KCNB2: variants seen among roughly 807,000 people sequenced by gnomAD.
KCNB2 encodes the protein delayed rectifier potassium channel protein.
KCNB2 carries 15 observed loss-of-function variants against 61.5 expected under a neutral mutation model. The observed-to-expected ratio is 0.24, with a 90% CI of 0.16 to 0.38. The LOEUF is 0.38. KCNB2 is among the 10% of genes least tolerant of loss of function. The pLI is 1.00. For missense variants in KCNB2, 828 were observed against 1,125.2 expected, an observed-to-expected ratio of 0.74 and a Z score of 3.78; for synonymous variants, 457 against 446.0, an observed-to-expected ratio of 1.02 and a Z score of -0.31.
chr8:72,682,492 C>T (rs1403131448), intron 2 of KCNB2, among the ~76,000 whole-genome samples: 1 of 151,662 alleles, frequency 6.6e-6, no homozygotes, highest in Non-Finnish European at 1.5e-5. Context: ...AGTAAAAAAT[C>T]CCATATTTGA....
intron 2 of KCNB2, among the ~76,000 whole-genome samples, chr8:72,591,119 G>T (rs970314422): frequency 6.6e-6 from 1 of 151,698 alleles, no homozygotes; most frequent in African/African-American, 2.4e-5. Flanking sequence ...GCTCTTTTTT[G>T]TTAACTCCTT....
At chr8:72,741,495 C>G (rs1366711733) in intron 2 of KCNB2, among the ~76,000 whole-genome samples, 1 of 152,052 alleles carries the variant, frequency 6.6e-6, no homozygotes, top group Non-Finnish European at 1.5e-5. Context: ...GGTGTTATTT[C>G]TAAGATTTTG....
intron 2 of KCNB2, among the ~76,000 whole-genome samples, chr8:72,766,192 G>T (rs1585880688): frequency 6.6e-6 from 1 of 152,274 alleles, no homozygotes; most frequent in Non-Finnish European, 1.5e-5. Flanking sequence ...CACTTGAAGA[G>T]CTTTAAAGAA....
intron 2 of KCNB2, among the ~76,000 whole-genome samples, chr8:72,725,969 G>A (rs1807643101): frequency 6.6e-6 from 1 of 152,090 alleles, no homozygotes; most frequent in Non-Finnish European, 1.5e-5. Context: ...AAAGATATGT[G>A]ATAAGGATGT....
chr8:72,632,421 T>C (rs1585796471), intron 2 of KCNB2, among the ~76,000 whole-genome samples: 1 of 152,134 alleles, frequency 6.6e-6, no homozygotes, highest in African/African-American at 2.4e-5. Context: ...ACAGGCAGAG[T>C]TGCAGAGTTG....
chr8:72,591,737 G>A (rs905813341), intron 2 of KCNB2, among the ~76,000 whole-genome samples: 4 of 152,048 alleles, frequency 2.6e-5, no homozygotes, highest in African/African-American at 9.7e-5. Flanking sequence ...GATTACCAAT[G>A]GATTGAAGAT....
intron 2 of KCNB2, among the ~76,000 whole-genome samples, chr8:72,886,979 T>C (rs1358706179): frequency 6.6e-6 from 1 of 152,198 alleles, no homozygotes; most frequent in Non-Finnish European, 1.5e-5. Context: ...ATTTGCCCAA[T>C]GCCAAAAGGA....
chr8:72,689,310 A>C (rs1475520909), intron 2 of KCNB2, among the ~76,000 whole-genome samples: 1 of 152,204 alleles, frequency 6.6e-6, no homozygotes, highest in Non-Finnish European at 1.5e-5. Context: ...ACACACAAGC[A>C]ATAAATGTAG....
At chr8:72,642,072 GAGA>G (rs1178298606) in intron 2 of KCNB2, among the ~76,000 whole-genome samples, 1 of 152,098 alleles carries the variant, frequency 6.6e-6, no homozygotes, top group Non-Finnish European at 1.5e-5. Context: ...TAGTTAAGTG[GAGA>G]AGAAGACTGA....
At chr8:72,757,119 C>T (rs964799845) in intron 2 of KCNB2, among the ~76,000 whole-genome samples, 1 of 151,974 alleles carries the variant, frequency 6.6e-6, no homozygotes, top group Admixed American at 6.6e-5. Context: ...CGCCAATGTG[C>T]TTAATGGGAG....
At chr8:72,885,680 T>C (rs762235060) in intron 2 of KCNB2, among the ~76,000 whole-genome samples, 2 of 152,182 alleles carry the variant, frequency 1.3e-5, no homozygotes, top group Non-Finnish European at 2.9e-5. Context: ...TATTACTGTG[T>C]CTACTTCTCC....
chr8:72,606,298 A>G (rs1805445832), intron 2 of KCNB2, among the ~76,000 whole-genome samples: 1 of 152,202 alleles, frequency 6.6e-6, no homozygotes, highest in African/African-American at 2.4e-5. Flanking sequence ...TGACAAATCC[A>G]TGGAATTCTG....
At chr8:72,872,036 T>C (rs1158718444) in intron 2 of KCNB2, among the ~76,000 whole-genome samples, 1 of 152,212 alleles carries the variant, frequency 6.6e-6, no homozygotes, top group African/African-American at 2.4e-5. Context: ...CATGCTCTTT[T>C]CTCAGCCTTA....
intron 2 of KCNB2, among the ~76,000 whole-genome samples, chr8:72,583,484 A>G (rs988433509): frequency 3.3e-5 from 5 of 152,202 alleles, no homozygotes; most frequent in Non-Finnish European, 7.3e-5. Flanking sequence ...AACAAAAAAA[A>G]ACCTGTCACA....
intron 2 of KCNB2, among the ~76,000 whole-genome samples, chr8:72,725,601 A>ATATATATATG (rs1807634640): frequency 8.0e-5 from 8 of 100,246 alleles, no homozygotes; most frequent in South Asian, 3.2e-4. Context: ...GTATATATAT[A>ATATATATATG]TATATATATA....
At chr8:72,804,989 T>C (rs764429684) in intron 2 of KCNB2, among the ~76,000 whole-genome samples, 9 of 152,288 alleles carry the variant, frequency 5.9e-5, no homozygotes, top group South Asian at 2.1e-4. Context: ...AGGTTAAAGA[T>C]GAGACATGGC....
chr8:72,776,148 G>T (rs543404800), intron 2 of KCNB2, among the ~76,000 whole-genome samples: 26 of 150,892 alleles, frequency 1.7e-4, no homozygotes, highest in African/African-American at 5.1e-4. Context: ...AACTATCGCA[G>T]GGACAAAAAA....
At chr8:72,600,433 G>C (rs1364701889) in intron 2 of KCNB2, among the ~76,000 whole-genome samples, 1 of 151,938 alleles carries the variant, frequency 6.6e-6, no homozygotes, top group Non-Finnish European at 1.5e-5. Flanking sequence ...TCACACACTG[G>C]GGCCTGTTGT....
chr8:72,741,094 A>G (rs773329639), intron 2 of KCNB2, among the ~76,000 whole-genome samples: 5 of 152,136 alleles, frequency 3.3e-5, no homozygotes, highest in Non-Finnish European at 7.4e-5. Context: ...TGTGTTTTCT[A>G]TATATCCCTT....
Sources: gnomAD v4.1 joint callset for allele counts (sites outside exome capture counted in the v4.1 genomes callset) on GRCh38, gnomAD v4.1.1 for gene constraint, MANE v1.5 for transcripts, NCBI Gene and HGNC (gene_info 2026-07-23, HGNC 2026-07-21) for gene names.